The following NME7 variants were observed in gnomAD, a reference collection of about 807,000 sequenced individuals.
NME7 encodes the protein nucleoside diphosphate kinase 7.
Under a neutral mutation model 49.1 loss-of-function variants are expected in NME7, and 41 were observed. That is an observed-to-expected ratio of 0.83 (90% confidence interval 0.65 to 1.08). The LOEUF is 1.08. Among genes scored for constraint, NME7 ranks in the 50% least tolerant of loss-of-function variants. The pLI is 0.00. For missense variants in NME7, 423 were observed against 463.4 expected, an observed-to-expected ratio of 0.91 and a Z score of 0.80; for synonymous variants, 139 against 150.6, an observed-to-expected ratio of 0.92 and a Z score of 0.56.
At chr1:169,326,875 TA>T (rs2101941859) in intron 1 of NME7, among the ~76,000 whole-genome samples, 1 of 152,244 alleles carries the variant, frequency 6.6e-6, no homozygotes, top group South Asian at 2.1e-4. Flanking sequence ...AAGCCACCCT[TA>T]AAATTTAAAG....
In NME7 at chr1:169,132,830, AAC is replaced by A; in HGVS notation, c.1099-15_1099-14del. ...AGAAGTATTGAACCTGAAACGGAGA[AAC>A]ACATAATTTCTTAGTTCAGACAAAT... On this transcript the variant is annotated splice_polypyrimidine_tract_variant and intron_variant, in intron 11 of 11. Coordinates refer to ENST00000367811, the MANE Select transcript of NME7 (RefSeq NM_013330.5). 6.2e-7 allele frequency: 1 copy of A among 1,612,710 alleles called. No homozygotes were observed. Among genetic ancestry groups the A allele is most frequent in the African/African-American group, 1.3e-5 (1 of 74,964 alleles).
In NME7 at chr1:169,313,558, T is replaced by G. The variant is rs1213978549; in HGVS notation, c.279-3478A>C. Among the ~76,000 whole-genome samples, 4 of 152,184 alleles carry G rather than the reference T, an allele frequency of 2.6e-5. No homozygotes were observed. In the East Asian group the frequency reaches 7.7e-4, roughly 29 times the overall value. ...ATTCCCTCCTAGTAGGAAAGTAATG[T>G]CATCCTGTACCTCAAATAATTCATA... On this transcript the variant is annotated intron_variant, in intron 3 of 11. Coordinates refer to ENST00000367811, the MANE Select transcript of NME7 (RefSeq NM_013330.5).
chr1:169,221,892 G>A (rs979363947), intron 10 of NME7, among the ~76,000 whole-genome samples: 1 of 151,804 alleles, frequency 6.6e-6, no homozygotes, highest in African/African-American at 2.4e-5. Context: ...TGCCCAGTCT[G>A]GTCTGTTGTT....
intron 2 of NME7, 108 bp downstream of exon 2, chr1:169,324,285 C>T: frequency 5.0e-6 from 3 of 603,800 alleles, no homozygotes; most frequent in Non-Finnish European, 9.0e-6. Context: ...TGTATATATA[C>T]ACACACACAT....
chr1:169,257,328 C>T (rs1648991123), intron 7 of NME7, among the ~76,000 whole-genome samples: 1 of 134,280 alleles, frequency 7.4e-6, no homozygotes, highest in South Asian at 2.3e-4. Context: ...CCCGATTTTC[C>T]AGGTGCTGTC....
chr1:169,281,744 A>T (rs1650024967), intron 7 of NME7, among the ~76,000 whole-genome samples: 1 of 152,122 alleles, frequency 6.6e-6, no homozygotes, highest in South Asian at 2.1e-4. Flanking sequence ...TATGTGATGA[A>T]TTACGTTTAT....
chr1:169,176,718 A>G (rs1166293104), intron 10 of NME7, among the ~76,000 whole-genome samples: 2 of 137,370 alleles, frequency 1.5e-5, no homozygotes, highest in Non-Finnish European at 3.3e-5. Context: ...AAAAGTAAAA[A>G]TTATGATCTC....
At chr1:169,145,096 CAGAT>C (rs762978561) in intron 11 of NME7, among the ~76,000 whole-genome samples, 1 of 152,158 alleles carries the variant, frequency 6.6e-6, no homozygotes, top group Non-Finnish European at 1.5e-5. Context: ...TTTTAGCTCT[CAGAT>C]GGAGATTGTA....
At chr1:169,233,104 C>T (rs1010888572) in intron 9 of NME7, among the ~76,000 whole-genome samples, 1 of 117,010 alleles carries the variant, frequency 8.5e-6, no homozygotes, top group Non-Finnish European at 1.8e-5. Flanking sequence ...TTTTCAGTTG[C>T]TTTCAAACAT....
At chr1:169,342,547 A>AG (rs1652759963) in intron 1 of NME7, among the ~76,000 whole-genome samples, 3 of 120,066 alleles carry the variant, frequency 2.5e-5, no homozygotes, top group Admixed American at 2.0e-4. Flanking sequence ...TATATATAGT[A>AG]TATATATATA....
chr1:169,286,859 G>A (rs2420014), intron 7 of NME7: 48,044 of 152,894 alleles, frequency 0.31, 8,396 homozygotes, highest in East Asian at 0.67. Context: ...GGTGGCATGT[G>A]CCTGTAGTCC....
chr1:169,250,168 T>C (rs143684001), intron 7 of NME7, among the ~76,000 whole-genome samples: 11 of 152,186 alleles, frequency 7.2e-5, no homozygotes, highest in Non-Finnish European at 1.2e-4. Context: ...TCTTGGTCTG[T>C]TCGGGGTTTC....
At chr1:169,165,298 AAAATAAATAAATAAAT>A (rs150919885) in intron 11 of NME7, among the ~76,000 whole-genome samples, 23 of 150,308 alleles carry the variant, frequency 1.5e-4, no homozygotes, top group Admixed American at 6.6e-5. Flanking sequence ...GTTTGCTATA[AAAATAAATAAATAAAT>A]AAATAAATAA....
chr1:169,314,994 A>G (rs548117315), intron 3 of NME7, among the ~76,000 whole-genome samples: 1 of 152,308 alleles, frequency 6.6e-6, no homozygotes, highest in Non-Finnish European at 1.5e-5. Context: ...CAATTTACCA[A>G]GAAGATATAA....
chr1:169,298,354 G>A (rs567217556), intron 6 of NME7, among the ~76,000 whole-genome samples: 48 of 152,210 alleles, frequency 3.2e-4, no homozygotes, highest in African/African-American at 9.6e-4. Flanking sequence ...GAAAACTTAC[G>A]TTGATCATGA....
intron 10 of NME7, among the ~76,000 whole-genome samples, chr1:169,188,013 T>G (rs958419716): frequency 2.6e-5 from 4 of 152,186 alleles, no homozygotes; most frequent in Non-Finnish European, 2.9e-5. Context: ...TGAAGCTTAG[T>G]TTGGCTGGAT....
intron 1 of NME7, among the ~76,000 whole-genome samples, chr1:169,347,620 G>A (rs1031135283): frequency 3.3e-5 from 5 of 152,076 alleles, no homozygotes; most frequent in South Asian, 2.1e-4. Flanking sequence ...CCCTCCTCTC[G>A]TATTCTTTTT....
chr1:169,324,161 T>C (rs1306496854), intron 2 of NME7, among the ~76,000 whole-genome samples: 1 of 152,022 alleles, frequency 6.6e-6, no homozygotes, highest in African/African-American at 2.4e-5. Flanking sequence ...AGCCCCCACT[T>C]CAGTCTTCTA....
rs1649019783 is a variant in NME7, at chr1:169,257,863, C to T, written c.755-20176G>A. Among the ~76,000 whole-genome samples, 3 of 133,568 alleles carry T rather than the reference C, an allele frequency of 2.2e-5. 1 individual carries two copies. The highest frequency in any genetic ancestry group is 4.6e-4 in the South Asian group (2 of 4,364). 87.6% of individuals were successfully genotyped at this position (133,568 alleles called of 152,430 possible). On this transcript the variant is annotated intron_variant, in intron 7 of 11. Coordinates refer to ENST00000367811, the MANE Select transcript of NME7 (RefSeq NM_013330.5). ...TTTAAGAAGGCTAAAGATAAAACTC[C>T]AATCCCTTCTGGCTTAAAAGGTTTC...
Sources: gnomAD v4.1 joint callset for allele counts (sites outside exome capture counted in the v4.1 genomes callset) on GRCh38, gnomAD v4.1.1 for gene constraint, MANE v1.5 for transcripts, NCBI Gene and HGNC (gene_info 2026-07-23, HGNC 2026-07-21) for gene names.